BIRC6: variants seen among roughly 807,000 people sequenced by gnomAD.
BIRC6 encodes the protein dual E2 ubiquitin-conjugating enzyme/E3 ubiquitin-protein ligase BIRC6.
In BIRC6, 98 loss-of-function variants were observed where a neutral mutation model predicts 503.3. That is an observed-to-expected ratio of 0.19 (90% confidence interval 0.17 to 0.23). The LOEUF (loss-of-function observed/expected upper bound fraction) is 0.23, where lower values mean the gene tolerates loss of function less well. Among genes scored for constraint, BIRC6 ranks in the 10% least tolerant of loss-of-function variants. BIRC6 has a pLI of 1.00. For synonymous variants in BIRC6, 2,240 were observed against 2,078.7 expected, an observed-to-expected ratio of 1.08 and a Z score of -2.11; for missense variants, 5,360 against 5,806.0, an observed-to-expected ratio of 0.92 and a Z score of 2.50.
Position 32,401,169 on chromosome 2 carries a change from A to G in BIRC6, c.1041A>G (p.Glu347=), listed in dbSNP as rs1197596198. 1.2e-6 allele frequency: 2 copies of G among 1,613,806 alleles called. No individual in the cohort carries two copies. The highest frequency in any genetic ancestry group is 1.7e-6 in the Non-Finnish European group (2 of 1,179,686). ...TTTCTAAATCTATGCAAAGGTCTGA[A>G]CACGAAAGACATTCCCCAAACTGCC... ...CWEPTDEPWS[E]HERHSPNCPF... Residue 347 remains glutamate, a synonymous_variant, in exon 7 of 74, where the codon GAA becomes GAG. Coordinates refer to ENST00000421745, the MANE Select transcript of BIRC6 (RefSeq NM_016252.4).
intron 40 of BIRC6, 128 bp downstream of exon 40, chr2:32,485,887 A>C (rs1364460161): frequency 1.6e-6 from 1 of 609,244 alleles, no homozygotes; most frequent in African/African-American, 1.9e-5. Flanking sequence ...AGTATGTAGC[A>C]CTTTCCTGGC....
chr2:32,564,288 T>G (rs1376119604), intron 65 of BIRC6: 2 of 152,246 alleles, frequency 1.3e-5, no homozygotes, highest in Non-Finnish European at 2.9e-5. Flanking sequence ...TTTATTGATG[T>G]TGAATGTATC....
intron 17 of BIRC6, 129 bp downstream of exon 17, chr2:32,441,591 T>C: frequency 1.2e-6 from 1 of 819,524 alleles, no homozygotes; most frequent in East Asian, 2.7e-5. Flanking sequence ...CTTAAATAAT[T>C]ATAATTTTGA....
intron 49 of BIRC6, 66 bp downstream of exon 49, chr2:32,503,302 A>G: frequency 7.3e-7 from 1 of 1,362,774 alleles, no homozygotes. Context: ...GTATGAAACA[A>G]AATTAGTTGA....
At chr2:32,601,251 G>A (rs529639188) in intron 70 of BIRC6, among the ~76,000 whole-genome samples, 1 of 152,318 alleles carries the variant, frequency 6.6e-6, no homozygotes, top group African/African-American at 2.4e-5. Context: ...ACAGAGCATT[G>A]AAAGAGTAGT....
intron 59 of BIRC6, chr2:32,527,354 T>C (rs994942602): frequency 1.3e-5 from 2 of 152,228 alleles, no homozygotes; most frequent in South Asian, 2.1e-4. Flanking sequence ...TCAAAACTAA[T>C]GTTTATGCCA....
chr2:32,488,666 A>C lies in BIRC6; in HGVS notation c.8047A>C (p.Ile2683Leu). 6.7e-7 allele frequency: 1 copy of C among 1,485,558 alleles called. No individual in the cohort carries two copies. Among genetic ancestry groups the C allele is most frequent in the Non-Finnish European group, 9.2e-7 (1 of 1,090,798 alleles). 92.0% of individuals were successfully genotyped at this position (1,485,558 alleles called of 1,614,324 possible). A position where few individuals can be genotyped will look rare whatever the true frequency, so the allele number is the denominator to read the frequency against. The change falls in exon 42 of 74, where the codon ATA (isoleucine) becomes CTA (leucine). Residue 2683 changes from isoleucine to leucine, a missense_variant. Around this residue, in one of 16 missense-constraint regions of BIRC6, gnomAD observed 2,299 missense variants for 2,267.2 expected, o/e 1.01. Coordinates refer to ENST00000421745, the MANE Select transcript of BIRC6 (RefSeq NM_016252.4). ...STGNKENGAD[I>L]FLYNANRIPV... ...TGGAAACAAAGAAAATGGAGCAGAC[A>C]TATTTTTATATAATGCTAATAGGAT...
At chr2:32,502,923 G>A (rs757121822) in intron 48 of BIRC6, 32 bp downstream of exon 48, 12 of 1,547,156 alleles carry the variant, frequency 7.8e-6, no homozygotes, top group Non-Finnish European at 1.1e-5. Context: ...TATCATTTAA[G>A]TGTAGTTATG....
chr2:32,480,991 T>G (rs929324024), intron 37 of BIRC6, among the ~76,000 whole-genome samples: 4 of 152,124 alleles, frequency 2.6e-5, no homozygotes, highest in Non-Finnish European at 5.9e-5. Flanking sequence ...TCTTTAATAC[T>G]GGGTAACATT....
At chr2:32,548,582 G>C (rs1445791267) in intron 64 of BIRC6, 5 of 101,556 alleles carry the variant, frequency 4.9e-5, no homozygotes, top group African/African-American at 2.0e-4. Flanking sequence ...AGGAGTTTGA[G>C]ACCAGCCTGG....
In BIRC6 at chr2:32,415,714, A is replaced by T. The variant is rs144578684; in HGVS notation, c.2423A>T (p.Gln808Leu). Residue 808 changes from glutamine to leucine, a missense_variant, in exon 10 of 74, where the codon CAG becomes CTG. By Grantham distance (113) the Gln-to-Leu change is moderately radical (BLOSUM62 -2). This residue lies in a region of BIRC6 where 700 missense variants were observed against 739.3 expected (regional missense o/e 0.95). Coordinates refer to ENST00000421745, the MANE Select transcript of BIRC6 (RefSeq NM_016252.4). ...VIQHESPADV[Q>L]TPLIIQPEQR... ...CAACATGAATCACCAGCAGATGTACAGACTCCTTTAATAATTCAGCCTGAG... is the reference window on the plus strand; with the variant it reads ...CAACATGAATCACCAGCAGATGTACTGACTCCTTTAATAATTCAGCCTGAG... 6.2e-7 allele frequency: 1 copy of T among 1,613,906 alleles called. No homozygotes were observed. The highest frequency in any genetic ancestry group is 8.5e-7 in the Non-Finnish European group (1 of 1,179,874).
chr2:32,362,852 T>C (rs1420707057), intron 1 of BIRC6, among the ~76,000 whole-genome samples: 5 of 152,308 alleles, frequency 3.3e-5, no homozygotes, highest in Non-Finnish European at 7.4e-5. Context: ...AACACCTGTC[T>C]AAATTTTTAA....
At chr2:32,407,335 C>T (rs977327626) in intron 9 of BIRC6, among the ~76,000 whole-genome samples, 3 of 151,488 alleles carry the variant, frequency 2.0e-5, no homozygotes, top group Admixed American at 1.3e-4. Flanking sequence ...ATCCCAGTTA[C>T]TCAGGAGGCT....
Position 32,427,509 on chromosome 2 carries a change from C to T in BIRC6, c.2873-1637C>T, listed in dbSNP as rs543284156. 4.3e-4 allele frequency among the ~76,000 whole-genome samples: 65 copies of T among 152,296 alleles called. No individual in the cohort carries two copies. In the South Asian group the frequency reaches 6.2e-3, roughly 15 times the overall value. ...CCATGTTGGCCAGGCTGGTATCGAA[C>T]TCCTGACCTCAGGTGATCCGCCCGC... On this transcript the variant is annotated intron_variant, in intron 10 of 73. Coordinates refer to ENST00000421745, the MANE Select transcript of BIRC6 (RefSeq NM_016252.4).
intron 61 of BIRC6, among the ~76,000 whole-genome samples, chr2:32,534,683 A>C (rs1270752627): frequency 1.4e-5 from 2 of 140,302 alleles, no homozygotes; most frequent in African/African-American, 2.7e-5. Flanking sequence ...GTTAACCAAG[A>C]TCGCACCACT....
intron 54 of BIRC6, among the ~76,000 whole-genome samples, chr2:32,514,204 C>G (rs1473581523): frequency 6.6e-6 from 1 of 152,140 alleles, no homozygotes. Flanking sequence ...TCCTCTATCC[C>G]TAACTACTTG....
At chr2:32,513,692 C>T (rs1387970351) in intron 54 of BIRC6, among the ~76,000 whole-genome samples, 2 of 152,070 alleles carry the variant, frequency 1.3e-5, no homozygotes, top group Non-Finnish European at 2.9e-5. Context: ...GGGCAGATCA[C>T]GAGGTCAGGA....
intron 36 of BIRC6, 32 bp downstream of exon 36, chr2:32,478,850 C>T (rs2050058200): frequency 6.3e-7 from 1 of 1,593,916 alleles, no homozygotes; most frequent in Non-Finnish European, 8.6e-7. Flanking sequence ...TAGAGTATGT[C>T]AAAATTACCT....
chr2:32,532,200 T>A (rs757314261), intron 61 of BIRC6: 3 of 528,448 alleles, frequency 5.7e-6, no homozygotes, highest in Non-Finnish European at 1.2e-5. Flanking sequence ...CTCTAGACTC[T>A]ATTATAGTTT....
Sources: gnomAD v4.1 joint callset for allele counts (sites outside exome capture counted in the v4.1 genomes callset) on GRCh38, gnomAD v4.1.1 for gene constraint, gnomAD v4.1.1 regional missense constraint, MANE v1.5 for transcripts, NCBI Gene and HGNC (gene_info 2026-07-23, HGNC 2026-07-21) for gene names.